The following TMEM63C variants were observed in gnomAD, a reference collection of about 807,000 sequenced individuals.
The protein encoded by TMEM63C is transmembrane protein 63C.
TMEM63C carries 32 observed loss-of-function variants against 99.2 expected under a neutral mutation model. That is an observed-to-expected ratio of 0.32 (90% confidence interval 0.24 to 0.43). TMEM63C has a LOEUF of 0.43. Ranked by LOEUF, TMEM63C falls within the 20% of genes least tolerant of loss-of-function variation. The pLI, the probability that TMEM63C is intolerant of heterozygous loss-of-function variation, is 1.00. For missense variants in TMEM63C, 826 were observed against 1,053.0 expected (o/e 0.78, Z 2.98); for synonymous variants, 376 against 397.9 (o/e 0.94, Z 0.66).
At chr14:77,198,200 G>A (rs1402048358) in intron 1 of TMEM63C, among the ~76,000 whole-genome samples, 1 of 152,252 alleles carries the variant, frequency 6.6e-6, no homozygotes, top group Non-Finnish European at 1.5e-5. Flanking sequence ...TCATGGGGCT[G>A]TGGCCAAAAC....
chr14:77,242,302 C>T (rs1889191562), intron 13 of TMEM63C, 45 bp from the exon 14 acceptor site: 3 of 1,588,454 alleles, frequency 1.9e-6, no homozygotes, highest in Non-Finnish European at 8.6e-7. Flanking sequence ...AGCCCATCCC[C>T]CCACCCCCAG....
intron 6 of TMEM63C, 114 bp from the exon 7 acceptor site, chr14:77,231,474 A>G: frequency 8.0e-7 from 1 of 1,247,566 alleles, no homozygotes; most frequent in Non-Finnish European, 1.1e-6. Flanking sequence ...TAGTAAAAAA[A>G]AAAAAAAACT....
intron 21 of TMEM63C, among the ~76,000 whole-genome samples, chr14:77,250,879 A>T (rs1889348609): frequency 6.6e-6 from 1 of 152,232 alleles, no homozygotes; most frequent in Admixed American, 6.5e-5. Flanking sequence ...CATCAAAAAT[A>T]GAAAAAATAT....
chr14:77,253,173 G>T (rs892819356), intron 22 of TMEM63C, 132 bp from the exon 23 acceptor site: 38 of 789,524 alleles, frequency 4.8e-5, no homozygotes, highest in South Asian at 4.8e-4. Context: ...CAGGCTGAAG[G>T]TCTGGAAAGA....
chr14:77,224,913 C>T (rs1305940759), intron 5 of TMEM63C, among the ~76,000 whole-genome samples: 1 of 152,122 alleles, frequency 6.6e-6, no homozygotes, highest in Non-Finnish European at 1.5e-5. Context: ...AGTGATCCAT[C>T]TGCCTCAGCC....
intron 6 of TMEM63C, among the ~76,000 whole-genome samples, chr14:77,228,324 T>G (rs764895111): frequency 1.3e-5 from 2 of 152,074 alleles, no homozygotes; most frequent in Non-Finnish European, 2.9e-5. Flanking sequence ...GATTGGAGGC[T>G]CCTGGACCTC....
chr14:77,208,623 C>G (rs1057398126), intron 1 of TMEM63C, among the ~76,000 whole-genome samples: 1 of 152,236 alleles, frequency 6.6e-6, no homozygotes, highest in Non-Finnish European at 1.5e-5. Context: ...AACTTTCCAG[C>G]TTCTGCAATA....
Position 77,246,685 on chromosome 14 carries a change from C to A in TMEM63C, c.1601+11C>A. On this transcript the variant is annotated intron_variant, in intron 18 of 23. Coordinates refer to ENST00000298351, the MANE Select transcript of TMEM63C (RefSeq NM_020431.4). ...ATCCATCAGGTTCCAGTGAGTACTC[C>A]CATGTGTCCACCAGGGCTGCTGTGT... 6.2e-7 allele frequency: 1 copy of A among 1,610,340 alleles called. No homozygotes were observed. Among genetic ancestry groups the A allele is most frequent in the Non-Finnish European group, 8.5e-7 (1 of 1,177,274 alleles).
chr14:77,219,358 T>A, intron 3 of TMEM63C, 140 bp from the exon 4 acceptor site: 1 of 802,012 alleles, frequency 1.2e-6, no homozygotes, highest in Non-Finnish European at 2.0e-6. Flanking sequence ...TGGCCCCTAC[T>A]CCAACAGAGC....
chr14:77,220,221 C>A, intron 5 of TMEM63C, 134 bp downstream of exon 5: 1 of 813,656 alleles, frequency 1.2e-6, no homozygotes, highest in South Asian at 1.7e-5. Flanking sequence ...GCAGTGTGAC[C>A]TTGAGCAAAT....
chr14:77,230,286 A>G (rs554434690), intron 6 of TMEM63C, among the ~76,000 whole-genome samples: 2 of 152,010 alleles, frequency 1.3e-5, no homozygotes, highest in Non-Finnish European at 2.9e-5. Flanking sequence ...AACATCGCCA[A>G]TACCCAGCAG....
chr14:77,184,359 C>A (rs552038724), intron 1 of TMEM63C, among the ~76,000 whole-genome samples: 2 of 152,080 alleles, frequency 1.3e-5, no homozygotes, highest in African/African-American at 2.4e-5. Context: ...AGGATGTTCA[C>A]CCCCGAAAAT....
chr14:77,251,665 T>C (rs1889362045), intron 21 of TMEM63C, 124 bp from the exon 22 acceptor site: 7 of 710,352 alleles, frequency 9.9e-6, no homozygotes, highest in South Asian at 1.7e-5. Context: ...CCAGTTGTTA[T>C]CAGAGGAGGA....
intron 5 of TMEM63C, among the ~76,000 whole-genome samples, chr14:77,224,584 G>A (rs1026235296): frequency 2.0e-5 from 3 of 151,904 alleles, no homozygotes; most frequent in Admixed American, 6.6e-5. Context: ...CTTACACACC[G>A]TTCCAAAGAT....
At chr14:77,243,151 CTGTGGA>C in intron 15 of TMEM63C, 95 bp downstream of exon 15, 2 of 1,421,282 alleles carry the variant, frequency 1.4e-6, no homozygotes, top group African/African-American at 1.4e-5. Flanking sequence ...TGGGAGGGGG[CTGTGGA>C]GCCCATACAG....
intron 1 of TMEM63C, among the ~76,000 whole-genome samples, chr14:77,192,067 G>A (rs1888120163): frequency 6.6e-6 from 1 of 152,128 alleles, no homozygotes; most frequent in Admixed American, 6.5e-5. Flanking sequence ...AGCCTCCTTT[G>A]TCTTTTGTGG....
rs753419467 is a variant in TMEM63C, at chr14:77,243,018, G to A, written c.1303G>A (p.Asp435Asn). ...GCCTGCCATCATCATGAACACTATC[G>A]ACATGTACAACGTCACCCGCCCCAT... ...TTPAIIMNTI[D>N]MYNVTRPIEK... Residue 435 changes from aspartate (D) to asparagine (N), a missense_variant, in exon 15 of 24, where the codon GAC becomes AAC. Physicochemically the swap from Asp to Asn is conservative, Grantham distance 23. Coordinates refer to ENST00000298351, the MANE Select transcript of TMEM63C (RefSeq NM_020431.4). 19 of 1,613,630 alleles carry A rather than the reference G, an allele frequency of 1.2e-5. No individual in the cohort carries two copies. Among genetic ancestry groups the A allele is most frequent in the South Asian group, 3.3e-5 (3 of 91,060 alleles).
Position 77,218,240 on chromosome 14 carries a change from A to AG in TMEM63C, c.-13-560dup, listed in dbSNP as rs374116600. Among the ~76,000 whole-genome samples, 61 of 138,416 alleles carry AG rather than the reference A, an allele frequency of 4.4e-4. 2 individuals are homozygous for AG. The South Asian group carries it at 5.2e-3, about 12-fold the overall frequency. 90.8% of individuals were successfully genotyped at this position (138,416 alleles called of 152,430 possible). ...TGTACCCACAGAAGTTAAAAAAAAA[A>AG]GAGGGGGGTGTTTCTTGAGTCACTG... is the stretch of plus-strand genomic sequence containing the variant. On this transcript the variant is annotated intron_variant, in intron 2 of 23. Coordinates refer to ENST00000298351, the MANE Select transcript of TMEM63C (RefSeq NM_020431.4).
chr14:77,191,999 A>G (rs948242269), intron 1 of TMEM63C, among the ~76,000 whole-genome samples: 4 of 152,274 alleles, frequency 2.6e-5, no homozygotes, highest in South Asian at 2.1e-4. Flanking sequence ...TGTTAGGTGC[A>G]TATGTATTTA....
Sources: gnomAD v4.1 joint callset for allele counts (sites outside exome capture counted in the v4.1 genomes callset) on GRCh38, gnomAD v4.1.1 for gene constraint, MANE v1.5 for transcripts, NCBI Gene and HGNC (gene_info 2026-07-23, HGNC 2026-07-21) for gene names.